LRCH3: variants seen among roughly 807,000 people sequenced by gnomAD.
LRCH3 encodes the protein DISP complex protein LRCH3.
In LRCH3, 68 loss-of-function variants were observed where a neutral mutation model predicts 104.5. The ratio of observed to expected loss-of-function variants is 0.65; its 90% CI spans 0.54 to 0.80. The LOEUF (loss-of-function observed/expected upper bound fraction) is 0.80, where lower values mean the gene tolerates loss of function less well. LRCH3 is among the 30% of genes least tolerant of loss of function. The pLI, the probability that LRCH3 is intolerant of heterozygous loss-of-function variation, is 0.00. For synonymous variants in LRCH3, 344 were observed against 361.3 expected (o/e 0.95, Z 0.54); for missense variants, 951 against 953.9 (o/e 1.00, Z 0.04).
At chr3:197,866,013 T>C in intron 16 of LRCH3, 99 bp from the exon 17 acceptor site, 2 of 848,664 alleles carry the variant, frequency 2.4e-6, no homozygotes, top group South Asian at 3.0e-5. Flanking sequence ...TTTTATATCA[T>C]TGCCATGTTT....
rs1222179816 is a variant in LRCH3, at chr3:197,885,719, CAA to C, written c.*2054_*2055del. 6.6e-6 allele frequency: 1 copy of C among 152,258 alleles called. No homozygotes were observed. The highest frequency in any genetic ancestry group is 2.4e-5 in the African/African-American group (1 of 41,464). 9.4% of individuals were successfully genotyped at this position (152,258 alleles called of 1,614,324 possible). A position where few individuals can be genotyped will look rare whatever the true frequency, so the allele number is the denominator to read the frequency against. On this transcript the variant is annotated 3_prime_UTR_variant, in exon 21 of 21. Transcript: ENST00000425562. The stretch of plus-strand genomic sequence containing the variant: ...CTCACACCGCACAGGAGCCTTTACT[CAA>C]GTTTCAGCTAGTTTTCCTTCCCCTG...
chr3:197,791,833 C>G (rs1399597457), intron 1 of LRCH3, among the ~76,000 whole-genome samples: 7 of 152,162 alleles, frequency 4.6e-5, no homozygotes, highest in African/African-American at 1.7e-4. Context: ...GAGGTAGACC[C>G]TTGCCCCGCC....
chr3:197,879,959 T>TG (rs570478983), intron 20 of LRCH3, among the ~76,000 whole-genome samples: 23,857 of 150,304 alleles, frequency 0.16, 2,619 homozygotes, highest in African/African-American at 0.31. Flanking sequence ...TTTTTTTTTT[T>TG]TTTTGAGACG....
chr3:197,826,934 A>G lies in LRCH3; in HGVS notation c.697A>G (p.Ile233Val), dbSNP rs1197113989. 3 of 1,614,082 alleles carry G rather than the reference A, an allele frequency of 1.9e-6. No individual in the cohort carries two copies. Among genetic ancestry groups the G allele is most frequent in the Non-Finnish European group, 2.5e-6 (3 of 1,180,016 alleles). ...CTTCTCATGCAATAAAATTACCACAATCCCTGTTTGTTATCGGAACCTCAG... is the reference window on the plus strand; with the variant it reads ...CTTCTCATGCAATAAAATTACCACAGTCCCTGTTTGTTATCGGAACCTCAG... Reference protein sequence around the residue: ...LDFSCNKITTIPVCYRNLRHL... With the variant: ...LDFSCNKITTVPVCYRNLRHL... Residue 233 changes from isoleucine (I) to valine (V), a missense_variant, in exon 5 of 21, where the codon ATC (isoleucine) becomes GTC (valine). Ile to Val is a conservative substitution (Grantham distance 29). Transcript: ENST00000425562.
chr3:197,837,660 GA>G (rs1380748639), intron 9 of LRCH3, among the ~76,000 whole-genome samples: 8 of 151,650 alleles, frequency 5.3e-5, no homozygotes, highest in Non-Finnish European at 1.2e-4. Flanking sequence ...AACATGGTAT[GA>G]TTTTTTTTTT....
intron 4 of LRCH3, among the ~76,000 whole-genome samples, chr3:197,820,916 T>G (rs1340571890): frequency 6.6e-6 from 1 of 152,084 alleles, no homozygotes; most frequent in Non-Finnish European, 1.5e-5. Flanking sequence ...AATCTAATGG[T>G]TTATTTAATA....
At position 197,810,186 on chromosome 3, in the gene LRCH3, G is replaced by A. The variant is rs1280476788; in HGVS notation, c.263-4722G>A. Among the ~76,000 whole-genome samples, 2 of 152,068 alleles carry A rather than the reference G, an allele frequency of 1.3e-5. No homozygotes were observed. The highest frequency in any genetic ancestry group is 4.8e-5 in the African/African-American group (2 of 41,392). ...TTTTGTTATTTTTATTTTTTGAGATGGAGTTTCACTCCCAGGTTGGAGTTC... is the reference window on the plus strand; with the variant it reads ...TTTTGTTATTTTTATTTTTTGAGATAGAGTTTCACTCCCAGGTTGGAGTTC... On this transcript the variant is annotated intron_variant, in intron 1 of 20. Coordinates refer to ENST00000425562, the MANE Select transcript of LRCH3 (RefSeq NM_001365715.1). The surrounding 1 kb of genome is among the most constrained non-coding windows in gnomAD (Gnocchi z 4.0).
At chr3:197,850,673 C>T (rs541309662) in intron 12 of LRCH3, 4 of 1,513,364 alleles carry the variant, frequency 2.6e-6, no homozygotes, top group Non-Finnish European at 3.7e-6. Flanking sequence ...CATTTTTAAG[C>T]ACGTGCAGCA....
At chr3:197,869,618 T>A (rs1240224889) in intron 17 of LRCH3, among the ~76,000 whole-genome samples, 1 of 130,902 alleles carries the variant, frequency 7.6e-6, no homozygotes, top group Non-Finnish European at 1.6e-5. Flanking sequence ...AGCGATACAC[T>A]GTACCTGCAG....
At chr3:197,881,252 C>A (rs553568665) in intron 20 of LRCH3, 192 of 996,486 alleles carry the variant, frequency 1.9e-4, no homozygotes, top group Middle Eastern at 1.0e-3. Flanking sequence ...CCCGCTTTGT[C>A]GGTAGGCACA....
intron 2 of LRCH3, among the ~76,000 whole-genome samples, chr3:197,816,053 C>T (rs1421772013): frequency 6.6e-6 from 1 of 152,036 alleles, no homozygotes; most frequent in Non-Finnish European, 1.5e-5. Context: ...CAGTTTTTCA[C>T]CATGATAAAA....
At position 197,887,743 on chromosome 3, in the gene LRCH3, CCCCCCA is replaced by C. The variant is rs1714343507; in HGVS notation, c.*4078_*4083del. On this transcript the variant is annotated 3_prime_UTR_variant, in exon 21 of 21. Transcript: ENST00000425562. The stretch of plus-strand genomic sequence containing the variant: ...CACTGACAGTGTCTGGGGCTGAGAG[CCCCCCA>C]GCAGAGCCCTTCCCATCACTGACAG... 7 of 139,794 alleles carry C rather than the reference CCCCCCA, an allele frequency of 5.0e-5. No homozygotes were observed. Among genetic ancestry groups the C allele is most frequent in the Admixed American group, 2.1e-4 (3 of 14,428 alleles). 8.7% of individuals were successfully genotyped at this position (139,794 alleles called of 1,614,324 possible). A position where few individuals can be genotyped will look rare whatever the true frequency, so the allele number is the denominator to read the frequency against.
rs1166681952 is a variant in LRCH3 at position 197,846,399 on chromosome 3, AAC to A, written c.1329-1008_1329-1007del. Among the ~76,000 whole-genome samples, 8 of 149,796 alleles carry A rather than the reference AAC, an allele frequency of 5.3e-5. 1 individual carries two copies. Among genetic ancestry groups the A allele is most frequent in the African/African-American group, 1.7e-4 (7 of 40,032 alleles). ...ACCTTGGGCCACAAAAAAAAAAAAAAACAAAAAAAAAACGGCTGGGCGCAGTG... is the reference window on the plus strand; with the variant it reads ...ACCTTGGGCCACAAAAAAAAAAAAAAAAAAAAAAAACGGCTGGGCGCAGTG... On this transcript the variant is annotated intron_variant, in intron 10 of 20. Transcript: ENST00000425562.
rs933765557 is a variant in LRCH3, at chr3:197,876,735, G to A, written c.2208+960G>A. 5.9e-5 allele frequency among the ~76,000 whole-genome samples: 9 copies of A among 152,274 alleles called. No individual in the cohort carries two copies. In the East Asian group the frequency reaches 9.6e-4, roughly 16 times the overall value. On this transcript the variant is annotated intron_variant, in intron 20 of 20. Coordinates refer to ENST00000425562, the MANE Select transcript of LRCH3 (RefSeq NM_001365715.1). ...CTAATTAGGTATCAGTAACTCAGGG[G>A]TGGCCCTGGGGCTCATCAACAGCTC...
At chr3:197,825,696 G>A (rs1224127769) in intron 4 of LRCH3, among the ~76,000 whole-genome samples, 1 of 151,364 alleles carries the variant, frequency 6.6e-6, no homozygotes, top group Non-Finnish European at 1.5e-5. Flanking sequence ...AGCCAGGATG[G>A]TCTCGATCTC....
intron 1 of LRCH3, among the ~76,000 whole-genome samples, chr3:197,799,056 G>A (rs975173439): frequency 6.6e-6 from 1 of 152,190 alleles, no homozygotes; most frequent in African/African-American, 2.4e-5. Context: ...TAGTAGGATG[G>A]TTTCTTTAGG....
At chr3:197,835,142 TC>T (rs1232856746) in intron 8 of LRCH3, among the ~76,000 whole-genome samples, 1 of 151,894 alleles carries the variant, frequency 6.6e-6, no homozygotes, top group African/African-American at 2.4e-5. Context: ...AGACCCTGTC[TC>T]AAAAAAACAA....
At chr3:197,836,924 C>T (rs575707105) in intron 9 of LRCH3, among the ~76,000 whole-genome samples, 158 of 152,158 alleles carry the variant, frequency 1.0e-3, no homozygotes, top group African/African-American at 3.6e-3. Flanking sequence ...GTGATCTGCC[C>T]GCCTCAGCCT....
intron 9 of LRCH3, among the ~76,000 whole-genome samples, chr3:197,838,947 T>C (rs1297458459): frequency 6.6e-6 from 1 of 152,172 alleles, no homozygotes; most frequent in Non-Finnish European, 1.5e-5. Context: ...GAGCAAATGT[T>C]AGGGTAGGGT....
Sources: gnomAD v4.1 joint callset for allele counts (sites outside exome capture counted in the v4.1 genomes callset) on GRCh38, gnomAD v4.1.1 for gene constraint, Gnocchi (gnomAD v3.1) non-coding constraint, MANE v1.5 for transcripts, NCBI Gene and HGNC (gene_info 2026-07-23, HGNC 2026-07-21) for gene names.